CASP5: variants seen among roughly 807,000 people sequenced by gnomAD.
CASP5 encodes the protein caspase-5.
Under a neutral mutation model 45.2 loss-of-function variants are expected in CASP5, and 42 were observed. The observed-to-expected ratio is 0.93, with a 90% CI of 0.73 to 1.20. The LOEUF (loss-of-function observed/expected upper bound fraction) is 1.20, where lower values mean the gene tolerates loss of function less well. Ranked by LOEUF, CASP5 falls within the 50% of genes most tolerant of loss-of-function variation. CASP5 has a pLI of 0.00. For synonymous variants in CASP5, 209 were observed against 186.2 expected (o/e 1.12, Z -1.00); for missense variants, 512 against 532.2 (o/e 0.96, Z 0.37).
chr11:105,018,992 T>A (rs1161368701), intron 1 of CASP5, among the ~76,000 whole-genome samples: 2 of 149,130 alleles, frequency 1.3e-5, no homozygotes, highest in East Asian at 1.9e-4. Context: ...GAACTCAGGA[T>A]TAAGAATCTC....
chr11:105,022,628 G>A (rs1863030446), intron 1 of CASP5, among the ~76,000 whole-genome samples: 1 of 152,216 alleles, frequency 6.6e-6, no homozygotes, highest in South Asian at 2.1e-4. Context: ...CATTATAAGA[G>A]TTAGTACCAG....
intron 2 of CASP5, 89 bp from the exon 3 acceptor site, chr11:105,007,423 C>T: frequency 8.0e-7 from 1 of 1,242,280 alleles, no homozygotes; most frequent in East Asian, 2.3e-5. Flanking sequence ...ATATGAAACT[C>T]CTCTAAAAAT....
intron 1 of CASP5, among the ~76,000 whole-genome samples, chr11:105,012,942 T>A (rs1862423875): frequency 6.6e-6 from 1 of 151,948 alleles, no homozygotes; most frequent in African/African-American, 2.4e-5. Flanking sequence ...TTTTAAACAT[T>A]AAGTCAGTGT....
intron 8 of CASP5, among the ~76,000 whole-genome samples, chr11:104,996,050 C>T (rs1861457645): frequency 6.6e-6 from 1 of 152,184 alleles, no homozygotes; most frequent in Admixed American, 6.5e-5. Flanking sequence ...AAAATAAACA[C>T]TGCATGCCTA....
intron 1 of CASP5, among the ~76,000 whole-genome samples, chr11:105,014,883 G>C (rs1235535186): frequency 6.6e-6 from 1 of 152,196 alleles, no homozygotes; most frequent in Non-Finnish European, 1.5e-5. Flanking sequence ...CTGTGTTTCA[G>C]GTAGAAGATA....
At chr11:105,009,818 T>C (rs1433312743) in intron 1 of CASP5, among the ~76,000 whole-genome samples, 34 of 97,830 alleles carry the variant, frequency 3.5e-4, no homozygotes, top group Non-Finnish European at 6.5e-4. Flanking sequence ...CACACACATA[T>C]ATATATACAC....
At chr11:105,009,812 CACATATATATATACACATATATATAT>C (rs1862221649) in intron 1 of CASP5, among the ~76,000 whole-genome samples, 1 of 94,512 alleles carries the variant, frequency 1.1e-5, no homozygotes. Flanking sequence ...TATATACACA[CACATATATATATACACATATATATAT>C]ACACATATAT....
rs1861673784 is a variant in CASP5 at position 105,000,486 on chromosome 11, A to C, written c.727T>G (p.Ser243Ala). 1 of 1,613,902 alleles carries C rather than the reference A, an allele frequency of 6.2e-7. No individual in the cohort carries two copies. Among genetic ancestry groups the C allele is most frequent in the Non-Finnish European group, 8.5e-7 (1 of 1,179,956 alleles). ...EKNLTARDME[S>A]VLRAFAARPE... is the part of the protein sequence containing the mutation. ...CTGGCAGCAAATGCCCTCAGCACTG[A>C]CTCCATATCCTATAAAAGAGCAATG... Residue 243 changes from serine (S) to alanine (A), a missense_variant, in exon 6 of 10, where the codon TCA (serine) becomes GCA (alanine). Physicochemically the swap from Ser to Ala is moderately conservative, Grantham distance 99. Transcript: ENST00000260315.
rs1445086182 is a variant in CASP5, at chr11:105,002,263, C to G, written c.544-62G>C. On this transcript the variant is annotated intron_variant, in intron 4 of 9. Transcript: ENST00000260315. ...GAGTCTCTTTTCAACCCCCATATGC[C>G]TCACAATTTTGCTTTTTTAAGACCT... The G allele has an allele frequency of 3.3e-6, 5 of 1,527,656 alleles. No homozygotes were observed. The African/African-American group carries it at 6.9e-5, about 21-fold the overall frequency. The allele number at this position is 1,527,656 out of a possible 1,614,324, so 94.6% of individuals were successfully genotyped here. A position where few individuals can be genotyped will look rare whatever the true frequency, so the allele number is the denominator to read the frequency against.
At chr11:105,014,719 TACTC>T (rs1862504767) in intron 1 of CASP5, among the ~76,000 whole-genome samples, 1 of 152,214 alleles carries the variant, frequency 6.6e-6, no homozygotes, top group Admixed American at 6.5e-5. Context: ...TTGTGAAAAA[TACTC>T]TGCTAGTTGT....
intron 8 of CASP5, among the ~76,000 whole-genome samples, chr11:104,996,110 G>A (rs1191032707): frequency 2.6e-5 from 4 of 152,078 alleles, no homozygotes; most frequent in Non-Finnish European, 5.9e-5. Flanking sequence ...TTTGACCTAC[G>A]GATGTGGAAA....
intron 6 of CASP5, 92 bp downstream of exon 6, chr11:105,000,169 G>A: frequency 7.8e-7 from 1 of 1,285,546 alleles, no homozygotes; most frequent in Non-Finnish European, 1.1e-6. Flanking sequence ...CACTGGATGG[G>A]GTCTAACATT....
intron 6 of CASP5, among the ~76,000 whole-genome samples, chr11:105,000,053 A>G (rs1450523519): frequency 3.3e-5 from 5 of 152,210 alleles, no homozygotes; most frequent in Non-Finnish European, 7.3e-5. Context: ...CTTCACCACT[A>G]TCACCGTGGA....
chr11:105,000,645 GT>G lies in CASP5; in HGVS notation c.718-151del, dbSNP rs922145909. ...TACTCAGTCATGACAGCAGTTTTAT[GT>G]TTTTTTGTTTTGTTTTTTTTTTCCT... On this transcript the variant is annotated intron_variant, in intron 5 of 9. Transcript: ENST00000260315. The G allele has an allele frequency of 1.8e-4, 125 of 699,098 alleles. No homozygotes were observed. The African/African-American group carries it at 2.1e-3, about 12-fold the overall frequency. The allele number at this position is 699,098 out of a possible 1,614,324, so 43.3% of individuals were successfully genotyped here. A position where few individuals can be genotyped will look rare whatever the true frequency, so the allele number is the denominator to read the frequency against.
At chr11:105,001,897 TACAC>T (rs113741374) in intron 5 of CASP5, 127 bp downstream of exon 5, 608 of 710,878 alleles carry the variant, frequency 8.6e-4, no homozygotes, top group South Asian at 1.3e-3. Flanking sequence ...TGTGCGCATG[TACAC>T]ACACACACAC....
In CASP5 at chr11:105,003,344, T is replaced by C. The variant is rs1861841283; in HGVS notation, c.473A>G (p.Glu158Gly). 1.9e-6 allele frequency: 3 copies of C among 1,604,488 alleles called. No homozygotes were observed. Among genetic ancestry groups the C allele is most frequent in the Non-Finnish European group, 2.5e-6 (3 of 1,176,480 alleles). ...ACAAAGTTTGAGTATATTTGTAGATTCTGCTGACTCAGGTGGTCCAGCCTC... is the reference window on the plus strand; with the variant it reads ...ACAAAGTTTGAGTATATTTGTAGATCCTGCTGACTCAGGTGGTCCAGCCTC... ...QIEAGPPESAESTNILKLCPR... is the reference protein window; with the variant it reads ...QIEAGPPESAGSTNILKLCPR... Residue 158 changes from glutamate to glycine, a missense_variant, in exon 4 of 10, where the codon GAA (glutamate) becomes GGA (glycine). Transcript: ENST00000260315.
intron 1 of CASP5, among the ~76,000 whole-genome samples, chr11:105,012,786 G>A (rs554338869): frequency 1.3e-5 from 2 of 151,474 alleles, no homozygotes; most frequent in South Asian, 2.1e-4. Context: ...AGGATGTAGA[G>A]AAAAAGGAAC....
At chr11:105,020,724 C>T (rs992372767) in intron 1 of CASP5, among the ~76,000 whole-genome samples, 1 of 151,984 alleles carries the variant, frequency 6.6e-6, no homozygotes, top group African/African-American at 2.4e-5. Flanking sequence ...TGAAAAATGG[C>T]CATACTGCCC....
At chr11:105,000,845 G>A (rs925634955) in intron 5 of CASP5, among the ~76,000 whole-genome samples, 18 of 152,022 alleles carry the variant, frequency 1.2e-4, no homozygotes, top group Non-Finnish European at 2.1e-4. Flanking sequence ...CACTGTCCTT[G>A]TAAAACCCAA....
Sources: gnomAD v4.1 joint callset for allele counts (sites outside exome capture counted in the v4.1 genomes callset) on GRCh38, gnomAD v4.1.1 for gene constraint, MANE v1.5 for transcripts, NCBI Gene and HGNC (gene_info 2026-07-23, HGNC 2026-07-21) for gene names.